Variants in PDRG1 observed in about 807,000 individuals in gnomAD.
The protein encoded by PDRG1 is p53 and DNA damage-regulated protein 1.
Under a neutral mutation model 18.4 loss-of-function variants are expected in PDRG1, and 14 were observed. That is an observed-to-expected ratio of 0.76 (90% CI 0.50 to 1.19). The LOEUF is 1.19. Ranked by LOEUF, PDRG1 falls within the 50% of genes most tolerant of loss-of-function variation. PDRG1 has a pLI of 0.00. For synonymous variants in PDRG1, 65 were observed against 60.9 expected (o/e 1.07, Z -0.31); for missense variants, 177 against 160.1 (o/e 1.11, Z -0.57).
chr20:31,949,983 T>A (rs945039510), intron 2 of PDRG1, among the ~76,000 whole-genome samples: 1 of 152,190 alleles, frequency 6.6e-6, no homozygotes, highest in African/African-American at 2.4e-5. Flanking sequence ...AATTTTCAAT[T>A]ACGCATTTTA....
rs537351747 is a variant in PDRG1 at position 31,945,455 on chromosome 20, T to C, written c.*352A>G. 6 of 190,944 alleles carry C rather than the reference T, an allele frequency of 3.1e-5. No homozygotes were observed. Among genetic ancestry groups the C allele is most frequent in the East Asian group, 2.8e-4 (2 of 7,226 alleles). 11.8% of individuals were successfully genotyped at this position (190,944 alleles called of 1,614,324 possible). On this transcript the variant is annotated 3_prime_UTR_variant, in exon 5 of 5. Transcript: ENST00000202017. Reference sequence around the variant, plus strand: ...CTCCACTCTGCCCCTCCCTCCCTCCTTCCTTGCTCAGGGTCCATGTGAACA... The same window carrying C: ...CTCCACTCTGCCCCTCCCTCCCTCCCTCCTTGCTCAGGGTCCATGTGAACA...
chr20:31,950,226 G>T, intron 2 of PDRG1, 86 bp downstream of exon 2: 1 of 1,070,860 alleles, frequency 9.3e-7, no homozygotes, highest in Non-Finnish European at 1.4e-6. Flanking sequence ...GTGACCTCCT[G>T]CCTGATCTCT....
intron 1 of PDRG1, among the ~76,000 whole-genome samples, chr20:31,951,499 G>A (rs1158906464): frequency 1.3e-5 from 2 of 151,960 alleles, no homozygotes; most frequent in Admixed American, 1.3e-4. Context: ...CTTCCCCCAC[G>A]TCCCCACCCC....
intron 3 of PDRG1, 28 bp from the exon 4 acceptor site, chr20:31,946,604 GA>G (rs2064320905): frequency 6.4e-7 from 1 of 1,569,012 alleles, no homozygotes; most frequent in African/African-American, 1.4e-5. Context: ...GCAAGCAGAG[GA>G]TAAGATTGTA....
At position 31,948,791 on chromosome 20, in the gene PDRG1, T is replaced by C. The variant is rs908687788; in HGVS notation, c.238+17A>G. On this transcript the variant is annotated intron_variant, in intron 3 of 4. Transcript: ENST00000202017. Reference sequence around the variant, plus strand: ...GGAGAGGCAGCACACCCCTGACCCATCCCCAGGAGGCCTTACCTTTTTCAA... The same window carrying C: ...GGAGAGGCAGCACACCCCTGACCCACCCCCAGGAGGCCTTACCTTTTTCAA... 6.2e-7 allele frequency: 1 copy of C among 1,610,584 alleles called. No homozygotes were observed. The highest frequency in any genetic ancestry group is 8.5e-7 in the Non-Finnish European group (1 of 1,177,806).
intron 4 of PDRG1, 34 bp from the exon 5 acceptor site, chr20:31,945,923 C>T (rs1179904281): frequency 3.8e-6 from 6 of 1,573,452 alleles, no homozygotes; most frequent in African/African-American, 1.4e-5. Context: ...GCACGTCGGG[C>T]CTCCTGCTGG....
At chr20:31,951,681 G>C (rs547999814) in intron 1 of PDRG1, among the ~76,000 whole-genome samples, 194 bp downstream of exon 1, 47 of 152,366 alleles carry the variant, frequency 3.1e-4, no homozygotes, top group African/African-American at 1.1e-3. Flanking sequence ...GCATGGCAAG[G>C]GGCAGAGAAA....
intron 2 of PDRG1, among the ~76,000 whole-genome samples, chr20:31,949,811 A>G (rs1345302700): frequency 6.6e-6 from 1 of 151,942 alleles, no homozygotes; most frequent in Non-Finnish European, 1.5e-5. Context: ...AGCCCCCAAG[A>G]CCTTTCATTA....
intron 1 of PDRG1, among the ~76,000 whole-genome samples, chr20:31,951,429 C>G (rs1388335771): frequency 1.3e-5 from 2 of 152,270 alleles, no homozygotes; most frequent in East Asian, 1.9e-4. Flanking sequence ...CTCCTTCCCC[C>G]AGGAACTCCC....
intron 4 of PDRG1, 48 bp from the exon 5 acceptor site, chr20:31,945,937 T>C: frequency 2.7e-6 from 4 of 1,503,410 alleles, no homozygotes; most frequent in Non-Finnish European, 3.7e-6. Context: ...CTGCTGGCTC[T>C]GGAGCCAGGC....
chr20:31,946,452 T>C (rs2064319622), intron 4 of PDRG1, 44 bp downstream of exon 4: 3 of 1,519,270 alleles, frequency 2.0e-6, no homozygotes, highest in African/African-American at 1.4e-5. Flanking sequence ...TCCATGCTGA[T>C]GATTCCCTCC....
chr20:31,948,266 A>G (rs2064330931), intron 3 of PDRG1, among the ~76,000 whole-genome samples: 1 of 152,196 alleles, frequency 6.6e-6, no homozygotes, highest in South Asian at 2.1e-4. Flanking sequence ...GGCCAATGAG[A>G]TGTTGGCAGG....
intron 3 of PDRG1, among the ~76,000 whole-genome samples, chr20:31,946,845 G>C (rs575715355): frequency 1.3e-5 from 2 of 152,216 alleles, no homozygotes; most frequent in African/African-American, 4.8e-5. Context: ...TCAGTGGATG[G>C]AGAAGGCAAC....
intron 1 of PDRG1, among the ~76,000 whole-genome samples, chr20:31,951,037 T>C (rs902646871): frequency 6.6e-6 from 1 of 152,206 alleles, no homozygotes; most frequent in Non-Finnish European, 1.5e-5. Flanking sequence ...CTTAACACAG[T>C]ACCTGGCACA....
Position 31,945,886 on chromosome 20 carries a change from T to A in PDRG1, c.323A>T (p.Lys108Ile), listed in dbSNP as rs768088765. ...KVNRLFEAQG[K>I]PELKGFNLNP... Reference sequence around the variant, plus strand: ...CAAGTTAAAACCCTTCAGCTCCGGTTTGCCTAGGAGAGAAGATGATCCATC... The same window carrying A: ...CAAGTTAAAACCCTTCAGCTCCGGTATGCCTAGGAGAGAAGATGATCCATC... The change falls in exon 5 of 5, where the codon AAA (lysine) becomes ATA (isoleucine). Residue 108 changes from lysine to isoleucine, a missense_variant. Coordinates refer to ENST00000202017, the MANE Select transcript of PDRG1 (RefSeq NM_030815.3). 1 of 1,613,250 alleles carries A rather than the reference T, an allele frequency of 6.2e-7. No individual in the cohort carries two copies. The highest frequency in any genetic ancestry group is 1.3e-5 in the African/African-American group (1 of 75,042).
At chr20:31,946,234 C>T (rs972355993) in intron 4 of PDRG1, among the ~76,000 whole-genome samples, 1 of 152,170 alleles carries the variant, frequency 6.6e-6, no homozygotes, top group African/African-American at 2.4e-5. Context: ...CCATGCCATG[C>T]CCCGATGTAT....
chr20:31,950,114 A>G (rs1346973113), intron 2 of PDRG1, among the ~76,000 whole-genome samples, 198 bp downstream of exon 2: 1 of 152,220 alleles, frequency 6.6e-6, no homozygotes, highest in East Asian at 1.9e-4. Flanking sequence ...CACTGAAGTG[A>G]GCAGGCAAAA....
In PDRG1 at chr20:31,951,859, C is replaced by T. The variant is rs1231263336; in HGVS notation, c.87+16G>A. The T allele has an allele frequency of 1.3e-6, 2 of 1,560,714 alleles. No individual in the cohort carries two copies. The highest frequency in any genetic ancestry group is 1.4e-5 in the African/African-American group (1 of 72,362). On this transcript the variant is annotated intron_variant, in intron 1 of 4. Transcript: ENST00000202017. Reference sequence around the variant, plus strand: ...CGCCGGCCGCCAGGCCCCAGCGCCGCGGAGGGGCCTCTCACCTGCCGCTTG... The same window carrying T: ...CGCCGGCCGCCAGGCCCCAGCGCCGTGGAGGGGCCTCTCACCTGCCGCTTG...
chr20:31,949,263 G>A (rs920154420), intron 2 of PDRG1, among the ~76,000 whole-genome samples: 1 of 152,198 alleles, frequency 6.6e-6, no homozygotes, highest in African/African-American at 2.4e-5. Flanking sequence ...GATCAGTAGT[G>A]TGCTTGGGGT....
Sources: allele counts gnomAD v4.1 joint callset (sites outside exome capture counted in the v4.1 genomes callset), GRCh38; gene constraint gnomAD v4.1.1; transcripts MANE v1.5; gene names NCBI Gene and HGNC (gene_info 2026-07-23, HGNC 2026-07-21).